The following ASMTL variants were observed in gnomAD, a reference collection of about 807,000 sequenced individuals.
The protein encoded by ASMTL is probable bifunctional dTTP/UTP pyrophosphatase/methyltransferase protein.
Under a neutral mutation model 60.3 loss-of-function variants are expected in ASMTL, and 57 were observed. The observed-to-expected ratio is 0.95, with a 90% CI of 0.76 to 1.18. The LOEUF (loss-of-function observed/expected upper bound fraction) is 1.18, where lower values mean the gene tolerates loss of function less well. Ranked by LOEUF, ASMTL falls within the 50% of genes most tolerant of loss-of-function variation. The pLI, the probability that ASMTL is intolerant of heterozygous loss-of-function variation, is 0.00. For synonymous variants in ASMTL, 419 were observed against 373.0 expected (o/e 1.12, Z -1.42); for missense variants, 981 against 852.6 (o/e 1.15, Z -1.88).
At chrX:1,415,465 CATT>C (rs1361769457) in intron 11 of ASMTL, among the ~76,000 whole-genome samples, 3 of 56,294 alleles carry the variant, frequency 5.3e-5, no homozygotes, top group African/African-American at 1.7e-4. Flanking sequence ...TTATTATTAT[CATT>C]GTCTTTTTTT....
At chrX:1,429,173 G>C (rs1363222995) in intron 6 of ASMTL, among the ~76,000 whole-genome samples, 1 of 151,366 alleles carries the variant, frequency 6.6e-6, no homozygotes, top group Non-Finnish European at 1.5e-5. Flanking sequence ...GGGATTACAG[G>C]TGTGAACCAC....
intron 7 of ASMTL, among the ~76,000 whole-genome samples, chrX:1,426,669 A>G (rs1376764064): frequency 2.6e-5 from 4 of 152,184 alleles, no homozygotes; most frequent in African/African-American, 7.2e-5. Flanking sequence ...CCTGGCCAAC[A>G]TAGCGAAACC....
rs1247909250 is a variant in ASMTL, at chrX:1,416,363, AGACG to A, written c.1522+1606_1522+1609del. Among the ~76,000 whole-genome samples, 3 of 135,602 alleles carry A rather than the reference AGACG, an allele frequency of 2.2e-5. 1 individual carries two copies. The highest frequency in any genetic ancestry group is 3.3e-5 in the Non-Finnish European group (2 of 60,598). The allele number at this position is 135,602 out of a possible 152,430, so 89.0% of individuals were successfully genotyped here. ...TACAGATACAGTGACAGGCACACAC[AGACG>A]CAGACATGCACAGATGGGCACACAC... On this transcript the variant is annotated intron_variant, in intron 11 of 12. Transcript: ENST00000381317.
chrX:1,417,855 T>A, intron 11 of ASMTL, 118 bp downstream of exon 11: 2 of 1,331,734 alleles, frequency 1.5e-6, no homozygotes, highest in Non-Finnish European at 2.0e-6. Context: ...TGCACACACA[T>A]ACCCACCATG....
At chrX:1,452,639 T>A in intron 1 of ASMTL, 109 bp downstream of exon 1, 2 of 875,726 alleles carry the variant, frequency 2.3e-6, no homozygotes, top group South Asian at 1.7e-5. Context: ...TCCCTAAGGG[T>A]CTCGGGTCAC....
At chrX:1,425,283 GC>G (rs1325243838) in intron 8 of ASMTL, among the ~76,000 whole-genome samples, 2 of 152,192 alleles carry the variant, frequency 1.3e-5, no homozygotes, top group African/African-American at 4.8e-5. Context: ...GACTGATACA[GC>G]CCCTTTGAGA....
At chrX:1,417,107 G>C (rs1340116978) in intron 11 of ASMTL, among the ~76,000 whole-genome samples, 2 of 150,120 alleles carry the variant, frequency 1.3e-5, no homozygotes, top group African/African-American at 4.9e-5. Flanking sequence ...ACACAGACAA[G>C]CACACCCAGA....
At chrX:1,415,313 C>A (rs1380554316) in intron 11 of ASMTL, among the ~76,000 whole-genome samples, 1 of 152,178 alleles carries the variant, frequency 6.6e-6, no homozygotes, top group South Asian at 2.1e-4. Context: ...GCTCTCGGGT[C>A]AGTTCCTTCC....
chrX:1,430,397 C>G (rs1221872975), intron 6 of ASMTL, among the ~76,000 whole-genome samples: 1 of 152,022 alleles, frequency 6.6e-6, no homozygotes. Flanking sequence ...TCTTCTTCTG[C>G]CGGGCTTATT....
intron 12 of ASMTL, among the ~76,000 whole-genome samples, chrX:1,406,446 T>C (rs1289403985): frequency 2.7e-5 from 4 of 149,686 alleles, no homozygotes; most frequent in Admixed American, 6.7e-5. Context: ...GAGGGATGGG[T>C]GAATAGATGG....
chrX:1,416,358 C>G (rs1266719707), intron 11 of ASMTL, among the ~76,000 whole-genome samples: 1 of 91,046 alleles, frequency 1.1e-5, no homozygotes, highest in South Asian at 2.7e-4. Context: ...GTGACAGGCA[C>G]ACACAGACGC....
intron 5 of ASMTL, among the ~76,000 whole-genome samples, chrX:1,433,009 A>C (rs1479669090): frequency 2.6e-5 from 4 of 152,088 alleles, no homozygotes; most frequent in African/African-American, 4.8e-5. Context: ...GAGGCAGGAG[A>C]ATCGCTTGAA....
At chrX:1,414,487 G>C (rs2090161639) in intron 11 of ASMTL, among the ~76,000 whole-genome samples, 4 of 152,096 alleles carry the variant, frequency 2.6e-5, no homozygotes, top group South Asian at 2.1e-4. Context: ...ACGGGTGGAT[G>C]ACCTGAGGTG....
chrX:1,425,549 C>T lies in ASMTL; in HGVS notation c.1036G>A (p.Gly346Arg). ...ERLLDICAAMGLLEKTEQGYS... is the reference protein window; with the variant it reads ...ERLLDICAAMRLLEKTEQGYS... ...CCTTGCTCTGTCTTCTCCAGGAGCC[C>T]CATGGCAGCACAGATGTCCAGAAGC... The change falls in exon 8 of 13, where the codon GGG (glycine) becomes AGG (arginine). Residue 346 changes from glycine to arginine, a missense_variant. By Grantham distance (125) the Gly-to-Arg change is moderately radical. Transcript: ENST00000381317. 6.2e-7 allele frequency: 1 copy of T among 1,613,268 alleles called. No individual in the cohort carries two copies. The highest frequency in any genetic ancestry group is 1.1e-5 in the South Asian group (1 of 91,058).
chrX:1,449,596 C>T (rs1406975287), intron 1 of ASMTL, among the ~76,000 whole-genome samples: 1 of 151,834 alleles, frequency 6.6e-6, no homozygotes, highest in Non-Finnish European at 1.5e-5. Context: ...AACTACCCTA[C>T]CATCACCAGT....
rs187369781 is a variant in ASMTL at position 1,406,800 on chromosome X, T to C, written c.1646-3311A>G. ...TACATGGATGCATGCATGAGATGGATGGATGGGTGAATAGATAATAGATGA... is the reference window on the plus strand; with the variant it reads ...TACATGGATGCATGCATGAGATGGACGGATGGGTGAATAGATAATAGATGA... On this transcript the variant is annotated intron_variant, in intron 12 of 12. Coordinates refer to ENST00000381317, the MANE Select transcript of ASMTL (RefSeq NM_004192.4). 5.7e-3 allele frequency among the ~76,000 whole-genome samples: 864 copies of C among 151,434 alleles called. 10 individuals carry two copies. Among genetic ancestry groups the C allele is most frequent in the African/African-American group, 0.02 (806 of 41,134 alleles).
At chrX:1,434,409 G>C (rs1355214289) in intron 5 of ASMTL, among the ~76,000 whole-genome samples, 3 of 151,606 alleles carry the variant, frequency 2.0e-5, no homozygotes, top group African/African-American at 4.9e-5. Context: ...AGGATCGCTG[G>C]AGCTCAGGAG....
intron 1 of ASMTL, among the ~76,000 whole-genome samples, chrX:1,451,428 G>C (rs2091380191): frequency 1.3e-5 from 2 of 148,892 alleles, no homozygotes; most frequent in Non-Finnish European, 3.0e-5. Context: ...CCCATGCCTA[G>C]GGGTTCCAGG....
chrX:1,411,968 A>C (rs1300985336), intron 12 of ASMTL, among the ~76,000 whole-genome samples: 13 of 151,244 alleles, frequency 8.6e-5, no homozygotes, highest in African/African-American at 2.2e-4. Context: ...CCCGCTATCA[A>C]GCCCGGCTTA....
Sources: gnomAD v4.1 joint callset for allele counts (sites outside exome capture counted in the v4.1 genomes callset) on GRCh38, gnomAD v4.1.1 for gene constraint, MANE v1.5 for transcripts, NCBI Gene and HGNC (gene_info 2026-07-23, HGNC 2026-07-21) for gene names.